The following SYNDIG1 variants were observed in gnomAD, a reference collection of about 807,000 sequenced individuals.
SYNDIG1 encodes the protein synapse differentiation-inducing gene protein 1.
SYNDIG1 carries 9 observed loss-of-function variants against 19.4 expected under a neutral mutation model. The ratio of observed to expected loss-of-function variants is 0.46; its 90% CI spans 0.28 to 0.81. The LOEUF is 0.81. Among genes scored for constraint, SYNDIG1 ranks in the 30% least tolerant of loss-of-function variants. SYNDIG1 has a pLI of 0.12. For missense variants in SYNDIG1, 311 were observed against 343.3 expected, an observed-to-expected ratio of 0.91 and a Z score of 0.74; for synonymous variants, 141 against 145.9, an observed-to-expected ratio of 0.97 and a Z score of 0.24.
rs2056079753 is a variant in SYNDIG1, at chr20:24,489,431, AG to A, written c.-79+19679del. ...CACAGACACATGGACACAGACACAT[AG>A]ATACATGCACACACAGACACATGCA... On this transcript the variant is annotated intron_variant, in intron 1 of 3. Coordinates refer to ENST00000376862, the MANE Select transcript of SYNDIG1 (RefSeq NM_024893.3). Among the ~76,000 whole-genome samples the A allele has an allele frequency of 3.3e-5, 5 of 152,164 alleles. No individual in the cohort carries two copies. The South Asian group carries it at 1.0e-3, about 32-fold the overall frequency.
At chr20:24,566,082 G>T (rs1568646754) in intron 2 of SYNDIG1, among the ~76,000 whole-genome samples, 1 of 152,154 alleles carries the variant, frequency 6.6e-6, no homozygotes, top group Non-Finnish European at 1.5e-5. Context: ...TGAGTGAGTG[G>T]GGAATTCATG....
chr20:24,600,929 T>G (rs1160849331), intron 3 of SYNDIG1, among the ~76,000 whole-genome samples: 1 of 151,930 alleles, frequency 6.6e-6, no homozygotes, highest in East Asian at 1.9e-4. Flanking sequence ...TCTTCATCTT[T>G]CCTTACTGCA....
chr20:24,604,367 G>A (rs193177556), intron 3 of SYNDIG1, among the ~76,000 whole-genome samples: 80 of 152,254 alleles, frequency 5.3e-4, no homozygotes, highest in African/African-American at 1.8e-3. Flanking sequence ...CCAGATACAG[G>A]TCATAAAGAC....
chr20:24,521,401 T>TA (rs1400588140), intron 1 of SYNDIG1, among the ~76,000 whole-genome samples: 19 of 152,250 alleles, frequency 1.2e-4, no homozygotes, highest in African/African-American at 4.3e-4. Context: ...TTGGGGAGTG[T>TA]ATACTCAGCA....
chr20:24,639,219 A>G (rs1459244758), intron 3 of SYNDIG1, among the ~76,000 whole-genome samples: 1 of 152,226 alleles, frequency 6.6e-6, no homozygotes. Flanking sequence ...TGACAGGCTC[A>G]GGGGAGGGTT....
chr20:24,648,066 A>G (rs1260736788), intron 3 of SYNDIG1, among the ~76,000 whole-genome samples: 1 of 152,108 alleles, frequency 6.6e-6, no homozygotes, highest in Non-Finnish European at 1.5e-5. Context: ...TGAGGGTTTC[A>G]GCCTCATGAC....
At chr20:24,637,033 C>G (rs1328405574) in intron 3 of SYNDIG1, among the ~76,000 whole-genome samples, 1 of 152,244 alleles carries the variant, frequency 6.6e-6, no homozygotes, top group Admixed American at 6.5e-5. Context: ...ATTGCTTGAC[C>G]TTTTCCCTGT....
chr20:24,583,519 T>C (rs1476824236), intron 2 of SYNDIG1, among the ~76,000 whole-genome samples: 1 of 152,236 alleles, frequency 6.6e-6, no homozygotes, highest in East Asian at 1.9e-4. Flanking sequence ...ATGGGCGCCA[T>C]CTTTGTATAG....
intron 3 of SYNDIG1, among the ~76,000 whole-genome samples, chr20:24,642,477 T>C (rs2059388026): frequency 6.6e-6 from 1 of 152,216 alleles, no homozygotes; most frequent in Non-Finnish European, 1.5e-5. Flanking sequence ...AAATACTTTA[T>C]CACCTTAAGG....
At chr20:24,477,880 A>G (rs1049831564) in intron 1 of SYNDIG1, among the ~76,000 whole-genome samples, 3 of 152,198 alleles carry the variant, frequency 2.0e-5, no homozygotes, top group African/African-American at 7.2e-5. Flanking sequence ...TAGCACTTCT[A>G]CACGGTTATA....
intron 3 of SYNDIG1, among the ~76,000 whole-genome samples, chr20:24,641,800 C>T (rs2059379618): frequency 6.6e-6 from 1 of 152,200 alleles, no homozygotes; most frequent in Admixed American, 6.5e-5. Context: ...CACCTTGTCC[C>T]ATGCCACGCC....
At chr20:24,634,217 CTTGCTTTTTCACATAATG>C (rs1341783907) in intron 3 of SYNDIG1, among the ~76,000 whole-genome samples, 1 of 152,180 alleles carries the variant, frequency 6.6e-6, no homozygotes, top group African/African-American at 2.4e-5. Flanking sequence ...TGCAATGCAG[CTTGCTTTTTCACATAATG>C]TAAATACTTC....
chr20:24,647,260 C>A (rs2059430486), intron 3 of SYNDIG1, among the ~76,000 whole-genome samples: 1 of 152,140 alleles, frequency 6.6e-6, no homozygotes, highest in African/African-American at 2.4e-5. Context: ...CAGTGGAGAA[C>A]CATATGAACA....
At chr20:24,636,076 G>A (rs1469690012) in intron 3 of SYNDIG1, among the ~76,000 whole-genome samples, 1 of 152,118 alleles carries the variant, frequency 6.6e-6, no homozygotes, top group South Asian at 2.1e-4. Flanking sequence ...CTGGACTTTG[G>A]GGGGGCTCTA....
chr20:24,551,168 C>A (rs2057699706), intron 2 of SYNDIG1, among the ~76,000 whole-genome samples: 1 of 152,194 alleles, frequency 6.6e-6, no homozygotes, highest in South Asian at 2.1e-4. Flanking sequence ...AATTACTGAA[C>A]TGATTCTATT....
intron 1 of SYNDIG1, among the ~76,000 whole-genome samples, chr20:24,494,316 C>T (rs957947472): frequency 1.3e-5 from 2 of 152,162 alleles, no homozygotes; most frequent in Non-Finnish European, 2.9e-5. Flanking sequence ...GGGAGGAATG[C>T]TGAGAAGAGT....
intron 3 of SYNDIG1, among the ~76,000 whole-genome samples, chr20:24,656,526 C>T (rs1364930352): frequency 1.3e-5 from 2 of 152,170 alleles, no homozygotes; most frequent in Non-Finnish European, 2.9e-5. Context: ...TGGGGTGGAC[C>T]CAGCTACTCA....
At chr20:24,663,565 G>A (rs1157552638) in intron 3 of SYNDIG1, among the ~76,000 whole-genome samples, 1 of 152,168 alleles carries the variant, frequency 6.6e-6, no homozygotes, top group Admixed American at 6.5e-5. Flanking sequence ...AGGCCCCAGG[G>A]AGACCACAAC....
At position 24,613,684 on chromosome 20, in the gene SYNDIG1, T is replaced by G. The variant is rs144724703; in HGVS notation, c.618+28691T>G. ...ACACAGAGCCAGCTCCTGCGGCATC[T>G]CCCAGAGCCCTTCTAGACTGACGGC... On this transcript the variant is annotated intron_variant, in intron 3 of 3. Transcript: ENST00000376862. Among the ~76,000 whole-genome samples the G allele has an allele frequency of 8.3e-3, 1,267 of 152,272 alleles. 26 individuals are homozygous for G. The highest frequency in any genetic ancestry group is 0.029 in the African/African-American group (1,203 of 41,558).
Sources: allele counts gnomAD v4.1 joint callset (sites outside exome capture counted in the v4.1 genomes callset), GRCh38; gene constraint gnomAD v4.1.1; transcripts MANE v1.5; gene names NCBI Gene and HGNC (gene_info 2026-07-23, HGNC 2026-07-21).